ADRA1B: variants seen among roughly 807,000 people sequenced by gnomAD.
ADRA1B encodes alpha-1B adrenergic receptor.
In ADRA1B, 17 loss-of-function variants were observed where a neutral mutation model predicts 17.9. The observed-to-expected ratio is 0.95, with a 90% CI of 0.65 to 1.42. ADRA1B has a LOEUF of 1.42. Among genes scored for constraint, ADRA1B ranks in the 40% most tolerant of loss-of-function variants. The pLI is 0.00. For synonymous variants in ADRA1B, 366 were observed against 327.6 expected, an observed-to-expected ratio of 1.12 and a Z score of -1.27; for missense variants, 681 against 722.1, an observed-to-expected ratio of 0.94 and a Z score of 0.65.
chr5:159,982,215 A>G, the ADRA1B span, among the ~76,000 whole-genome samples: 1 of 152,266 alleles, frequency 6.6e-6, no homozygotes, highest in Non-Finnish European at 1.5e-5. Flanking sequence ...TGGTGATGAA[A>G]GTAACAATAA....
At chr5:159,985,479 C>T in the ADRA1B span, among the ~76,000 whole-genome samples, 1 of 152,220 alleles carries the variant, frequency 6.6e-6, no homozygotes, top group Non-Finnish European at 1.5e-5. Flanking sequence ...TATCTGGTCT[C>T]TGGCCAGGCC....
At chr5:159,871,160 CA>C in intron 1 of ADRA1B, 1 of 152,318 alleles carries the variant, frequency 6.6e-6, no homozygotes, top group East Asian at 1.9e-4. Context: ...CAGCCTCCCT[CA>C]GTCTATTCAT....
intron 1 of ADRA1B, among the ~76,000 whole-genome samples, chr5:159,945,692 G>C (rs901516961): frequency 1.3e-5 from 2 of 151,958 alleles, no homozygotes; most frequent in Admixed American, 6.5e-5. Flanking sequence ...GAAAATCATG[G>C]GGGGGTTTTG....
intron 1 of ADRA1B, among the ~76,000 whole-genome samples, chr5:159,895,088 A>G (rs1319907446): frequency 6.6e-6 from 1 of 152,238 alleles, no homozygotes; most frequent in Non-Finnish European, 1.5e-5. Context: ...CAGCTCTTCA[A>G]TTTGTTCAGC....
chr5:159,880,278 C>A (rs891463002), intron 1 of ADRA1B, among the ~76,000 whole-genome samples: 1 of 152,182 alleles, frequency 6.6e-6, no homozygotes, highest in Non-Finnish European at 1.5e-5. Flanking sequence ...AAAACCCTCA[C>A]CTATAACAGA....
intron 1 of ADRA1B, among the ~76,000 whole-genome samples, chr5:159,923,908 G>A (rs1032181596): frequency 1.3e-5 from 2 of 152,266 alleles, no homozygotes; most frequent in Non-Finnish European, 2.9e-5. Flanking sequence ...GCTTTGCAGA[G>A]CAAGCATCGT....
chr5:159,946,278 T>G (rs1057042391), intron 1 of ADRA1B, among the ~76,000 whole-genome samples: 1 of 152,234 alleles, frequency 6.6e-6, no homozygotes, highest in African/African-American at 2.4e-5. Context: ...TCTCCAGGAT[T>G]TATCCCACCT....
chr5:159,907,955 TCACACACACACACA>T (rs371637793), intron 1 of ADRA1B, among the ~76,000 whole-genome samples: 1 of 146,932 alleles, frequency 6.8e-6, no homozygotes, highest in Non-Finnish European at 1.5e-5. Flanking sequence ...TCTCTCTCTG[TCACACACACACACA>T]CACACACACA....
rs374412344 is a variant in ADRA1B, at chr5:159,943,169, G to A, written c.949+25315G>A. The stretch of plus-strand genomic sequence containing the variant: ...GGAGGTTGCAGTGAGGCGAGATTGC[G>A]CCACTGTACTCCCGCCTGGGTGACA... On this transcript the variant is annotated intron_variant, in intron 1 of 1. Transcript: ENST00000306675. Among the ~76,000 whole-genome samples, 56 of 151,354 alleles carry A rather than the reference G, an allele frequency of 3.7e-4. No homozygotes were observed. In the South Asian group the frequency reaches 5.9e-3, roughly 16 times the overall value.
At chr5:159,951,688 C>G (rs1162487872) in intron 1 of ADRA1B, among the ~76,000 whole-genome samples, 2 of 152,174 alleles carry the variant, frequency 1.3e-5, no homozygotes, top group Non-Finnish European at 2.9e-5. Flanking sequence ...GGCTACCCAC[C>G]CATAGCCACC....
rs559467724 is a variant in ADRA1B at position 159,880,782 on chromosome 5, G to A, written c.-256+15576G>A. ...CTTATCACTGTCTTTCAAATAAGTC[G>A]TCTTCCATTTCCTTACCCAGCCAGG... is the stretch of plus-strand genomic sequence containing the variant. On this transcript the variant is annotated intron_variant, in intron 1 of 2. Coordinates refer to the ADRA1B transcript ENST00000641205. Among the ~76,000 whole-genome samples, 204 of 152,164 alleles carry A rather than the reference G, an allele frequency of 1.3e-3. 1 individual carries two copies. Among genetic ancestry groups the A allele is most frequent in the Non-Finnish European group, 2.4e-3 (164 of 68,020 alleles).
intron 1 of ADRA1B, among the ~76,000 whole-genome samples, chr5:159,920,992 T>A (rs1487301794): frequency 6.6e-6 from 1 of 152,172 alleles, no homozygotes; most frequent in East Asian, 1.9e-4. Flanking sequence ...AAGATTTCCA[T>A]AGCTGTGTTT....
intron 1 of ADRA1B, 47 bp downstream of exon 1, chr5:159,917,901 G>T: frequency 6.7e-7 from 1 of 1,498,516 alleles, no homozygotes. Flanking sequence ...TTTGGACCTT[G>T]GGTTTACTGA....
chr5:159,896,937 C>T (rs1754046665), intron 1 of ADRA1B, among the ~76,000 whole-genome samples: 1 of 152,168 alleles, frequency 6.6e-6, no homozygotes, highest in South Asian at 2.1e-4. Context: ...CCAAATTCTG[C>T]CCAGGTCTCA....
At chr5:159,971,086 G>A (rs1254673321) in intron 1 of ADRA1B, among the ~76,000 whole-genome samples, 1 of 152,234 alleles carries the variant, frequency 6.6e-6, no homozygotes, top group African/African-American at 2.4e-5. Context: ...ACAGGCATGA[G>A]CCACTGCACT....
chr5:159,886,996 G>C (rs1291877809), intron 1 of ADRA1B, among the ~76,000 whole-genome samples: 5 of 152,132 alleles, frequency 3.3e-5, no homozygotes, highest in South Asian at 2.1e-4. Context: ...TGATGATGAT[G>C]ATCATGATCA....
chr5:159,880,011 A>AATAT (rs1381046749), intron 1 of ADRA1B, among the ~76,000 whole-genome samples: 2 of 152,182 alleles, frequency 1.3e-5, no homozygotes, highest in Admixed American at 6.5e-5. Context: ...TAAATAAATA[A>AATAT]AATTAAAATT....
At chr5:159,877,470 A>G (rs1283677772) in intron 1 of ADRA1B, among the ~76,000 whole-genome samples, 2 of 152,174 alleles carry the variant, frequency 1.3e-5, no homozygotes, top group Non-Finnish European at 2.9e-5. Context: ...CGAGAAAATA[A>G]TAATTTCAGT....
intron 1 of ADRA1B, among the ~76,000 whole-genome samples, chr5:159,886,949 T>C (rs1283084492): frequency 6.6e-6 from 1 of 152,168 alleles, no homozygotes; most frequent in African/African-American, 2.4e-5. Context: ...CTAGTAATGC[T>C]CAGTGCCTTC....
Sources: allele counts gnomAD v4.1 joint callset (sites outside exome capture counted in the v4.1 genomes callset), GRCh38; gene constraint gnomAD v4.1.1; transcripts MANE v1.5; gene names NCBI Gene and HGNC (gene_info 2026-07-23, HGNC 2026-07-21).